PTPN13: variants seen among roughly 807,000 people sequenced by gnomAD.
PTPN13 encodes tyrosine-protein phosphatase non-receptor type 13.
In PTPN13, 191 loss-of-function variants were observed where a neutral mutation model predicts 284.0. The ratio of observed to expected loss-of-function variants is 0.67; its 90% confidence interval spans 0.60 to 0.76. PTPN13 has a LOEUF of 0.76. PTPN13 is among the 30% of genes least tolerant of loss of function. PTPN13 has a pLI of 0.00. For synonymous variants in PTPN13, 986 were observed against 1,022.3 expected (o/e 0.96, Z 0.68); for missense variants, 2,797 against 2,939.9 (o/e 0.95, Z 1.12).
intron 16 of PTPN13, among the ~76,000 whole-genome samples, chr4:86,743,207 A>G (rs191209903): frequency 6.6e-6 from 1 of 152,292 alleles, no homozygotes; most frequent in East Asian, 1.9e-4. Context: ...TTTCAAGACT[A>G]TACATCTTTC....
chr4:86,674,215 T>C (rs1250748918), intron 3 of PTPN13, among the ~76,000 whole-genome samples: 3 of 152,174 alleles, frequency 2.0e-5, no homozygotes, highest in Non-Finnish European at 4.4e-5. Flanking sequence ...TAGGTAATTG[T>C]GTTATATAGC....
chr4:86,677,548 C>G (rs982868210), intron 3 of PTPN13, among the ~76,000 whole-genome samples: 6 of 151,214 alleles, frequency 4.0e-5, no homozygotes, highest in African/African-American at 1.5e-4. Context: ...CGCTTGACCT[C>G]GTGATCCATC....
At chr4:86,760,699 C>G (rs544783730) in intron 23 of PTPN13, among the ~76,000 whole-genome samples, 1 of 152,068 alleles carries the variant, frequency 6.6e-6, no homozygotes, top group South Asian at 2.1e-4. Flanking sequence ...ATCAGAGGAG[C>G]CTTTTCTTCT....
intron 17 of PTPN13, among the ~76,000 whole-genome samples, chr4:86,745,515 G>A (rs1302565529): frequency 2.0e-5 from 3 of 152,142 alleles, no homozygotes; most frequent in Non-Finnish European, 4.4e-5. Context: ...AGTGGCTCAC[G>A]CCTGTAATCC....
intron 40 of PTPN13, among the ~76,000 whole-genome samples, chr4:86,792,592 TAA>T (rs138737935): frequency 0.099 from 15,118 of 152,164 alleles, 860 homozygotes; most frequent in Non-Finnish European, 0.11. Flanking sequence ...GAAAAAATGT[TAA>T]GTGTGCAGCC....
chr4:86,626,003 G>A (rs1721793334), intron 1 of PTPN13, among the ~76,000 whole-genome samples: 1 of 152,154 alleles, frequency 6.6e-6, no homozygotes, highest in Non-Finnish European at 1.5e-5. Flanking sequence ...AGGTAGCGAG[G>A]AAAGGTGTTG....
intron 10 of PTPN13, among the ~76,000 whole-genome samples, chr4:86,728,586 T>C (rs1205903188): frequency 6.8e-6 from 1 of 147,102 alleles, no homozygotes; most frequent in Non-Finnish European, 1.5e-5. Context: ...CTTTGTCTCT[T>C]TTGATCTTTG....
intron 45 of PTPN13, 78 bp downstream of exon 45, chr4:86,807,975 C>T (rs1338773094): frequency 3.3e-6 from 4 of 1,228,056 alleles, no homozygotes; most frequent in Non-Finnish European, 4.5e-6. Flanking sequence ...TCCGTGATTG[C>T]ACCAATGTTA....
At chr4:86,711,178 G>A (rs1467868612) in intron 7 of PTPN13, among the ~76,000 whole-genome samples, 2 of 141,696 alleles carry the variant, frequency 1.4e-5, no homozygotes, top group African/African-American at 5.3e-5. Flanking sequence ...TCTGAATAAA[G>A]GCAAGGAAAT....
chr4:86,810,946 T>G, intron 46 of PTPN13, 100 bp from the exon 47 acceptor site: 1 of 1,086,550 alleles, frequency 9.2e-7, no homozygotes. Flanking sequence ...GGAAGAAGAG[T>G]GGGATACAGA....
At chr4:86,763,245 C>A in intron 24 of PTPN13, 55 bp downstream of exon 24, 3 of 1,394,398 alleles carry the variant, frequency 2.2e-6, no homozygotes, top group African/African-American at 1.4e-5. Context: ...AAAATAGCAG[C>A]AAATAAGTTA....
At chr4:86,648,776 C>G (rs920452373) in intron 2 of PTPN13, among the ~76,000 whole-genome samples, 1 of 152,000 alleles carries the variant, frequency 6.6e-6, no homozygotes, top group African/African-American at 2.4e-5. Context: ...TATGGTAGTT[C>G]CATTTTTATT....
At chr4:86,687,290 A>G (rs1729559399) in intron 4 of PTPN13, among the ~76,000 whole-genome samples, 1 of 152,218 alleles carries the variant, frequency 6.6e-6, no homozygotes, top group Admixed American at 6.5e-5. Context: ...CAGCAGACAC[A>G]GGTATTAAAG....
At chr4:86,687,316 T>C (rs1729563401) in intron 4 of PTPN13, among the ~76,000 whole-genome samples, 1 of 152,184 alleles carries the variant, frequency 6.6e-6, no homozygotes, top group South Asian at 2.1e-4. Flanking sequence ...CTTGCTGAGG[T>C]CTTGGGCCCT....
intron 44 of PTPN13, among the ~76,000 whole-genome samples, chr4:86,807,066 TGA>T (rs1194955723): frequency 2.0e-5 from 3 of 152,164 alleles, no homozygotes; most frequent in Admixed American, 1.3e-4. Flanking sequence ...ATTAGGTGAG[TGA>T]GAGTTAATTA....
At chr4:86,603,033 T>A (rs1338200568) in intron 1 of PTPN13, among the ~76,000 whole-genome samples, 3 of 152,164 alleles carry the variant, frequency 2.0e-5, no homozygotes, top group Non-Finnish European at 4.4e-5. Context: ...GTATTTCCTG[T>A]TTAGGAATCA....
Position 86,644,647 on chromosome 4 carries a change from A to G in PTPN13, c.115+9276A>G, listed in dbSNP as rs77755623. On this transcript the variant is annotated intron_variant, in intron 2 of 47. Coordinates refer to ENST00000411767, the MANE Select transcript of PTPN13 (RefSeq NM_080683.3). ...TATGATTTCAAAATCAGACAAATAC[A>G]TTAGAGAAAAACTACAAACCAATAT... 9.2e-5 allele frequency among the ~76,000 whole-genome samples: 14 copies of G among 152,334 alleles called. No homozygotes were observed. The East Asian group carries it at 2.5e-3, about 27-fold the overall frequency.
chr4:86,621,784 G>C (rs28613210), intron 1 of PTPN13, among the ~76,000 whole-genome samples: 1 of 151,856 alleles, frequency 6.6e-6, no homozygotes, highest in African/African-American at 2.4e-5. Context: ...ATGCATAAGA[G>C]ATAAAGTGAG....
chr4:86,690,139 T>A (rs1278769190), intron 5 of PTPN13: 1 of 157,870 alleles, frequency 6.3e-6, no homozygotes, highest in Non-Finnish European at 1.4e-5. Flanking sequence ...TTTGCGGTTC[T>A]ATAGTGAAGG....
Sources: gnomAD v4.1 joint callset for allele counts (sites outside exome capture counted in the v4.1 genomes callset) on GRCh38, gnomAD v4.1.1 for gene constraint, MANE v1.5 for transcripts, NCBI Gene and HGNC (gene_info 2026-07-23, HGNC 2026-07-21) for gene names.